EXOC2: variants seen among roughly 807,000 people sequenced by gnomAD.
The protein encoded by EXOC2 is exocyst complex component 2, also known as SEC5-like 1.
EXOC2 carries 70 observed loss-of-function variants against 131.8 expected under a neutral mutation model. The ratio of observed to expected loss-of-function variants is 0.53; its 90% confidence interval spans 0.44 to 0.65. EXOC2 has a LOEUF of 0.65. EXOC2 is among the 30% of genes least tolerant of loss of function. The probability of loss-of-function intolerance (pLI) is 0.00; values close to 1 mark genes in which losing one functional copy is unlikely to be tolerated. For synonymous variants in EXOC2, 411 were observed against 398.4 expected (o/e 1.03, Z -0.38); for missense variants, 923 against 1,108.6 (o/e 0.83, Z 2.38).
At chr6:542,832 A>C (rs938698344) in intron 22 of EXOC2, among the ~76,000 whole-genome samples, 2 of 152,196 alleles carry the variant, frequency 1.3e-5, no homozygotes, top group Admixed American at 1.3e-4. Context: ...AAGGTGTTGG[A>C]GTAGGGGGAC....
At chr6:612,737 T>G (rs1383939645) in intron 6 of EXOC2, among the ~76,000 whole-genome samples, 1 of 151,866 alleles carries the variant, frequency 6.6e-6, no homozygotes, top group Non-Finnish European at 1.5e-5. Flanking sequence ...GCAGCAGCAA[T>G]AAAAGGAACA....
At chr6:662,622 A>G (rs1242782087) in intron 1 of EXOC2, among the ~76,000 whole-genome samples, 1 of 152,196 alleles carries the variant, frequency 6.6e-6, no homozygotes, top group Non-Finnish European at 1.5e-5. Flanking sequence ...ATAATGACAC[A>G]ACCTATCAAA....
rs80295013 is a variant in EXOC2, at chr6:537,894, T to C, written c.2239-5284A>G. Reference sequence around the variant, plus strand: ...GACAGGCAAAATGATTCTCTGCAGATAGCAGCTGGAACGTTGCTGAGAAGG... The same window carrying C: ...GACAGGCAAAATGATTCTCTGCAGACAGCAGCTGGAACGTTGCTGAGAAGG... On this transcript the variant is annotated intron_variant, in intron 22 of 27. Transcript: ENST00000230449. Among the ~76,000 whole-genome samples the C allele has an allele frequency of 3.9e-4, 60 of 152,308 alleles. 1 individual carries two copies. The East Asian group carries it at 9.4e-3, about 24-fold the overall frequency.
chr6:606,893 G>A (rs895925845), intron 7 of EXOC2, among the ~76,000 whole-genome samples: 6 of 152,102 alleles, frequency 3.9e-5, no homozygotes, highest in Admixed American at 1.3e-4. Context: ...CATCTTTATC[G>A]ACCAATCCCT....
At chr6:571,847 A>G (rs1189371367) in intron 13 of EXOC2, among the ~76,000 whole-genome samples, 1 of 152,234 alleles carries the variant, frequency 6.6e-6, no homozygotes, top group South Asian at 2.1e-4. Context: ...ATCTATGTCC[A>G]GGAGCCGGAG....
At chr6:688,279 TGATGGC>T (rs1764758492) in intron 1 of EXOC2, among the ~76,000 whole-genome samples, 1 of 152,168 alleles carries the variant, frequency 6.6e-6, no homozygotes, top group Admixed American at 6.5e-5. Context: ...GAAGATTCCT[TGATGGC>T]CCAGCTGAGC....
intron 12 of EXOC2, 125 bp from the exon 13 acceptor site, chr6:572,769 T>C: frequency 8.1e-7 from 1 of 1,227,822 alleles, no homozygotes; most frequent in Non-Finnish European, 1.1e-6. Context: ...AGCCTGAGTC[T>C]GCGTGGACGC....
intron 23 of EXOC2, among the ~76,000 whole-genome samples, chr6:516,569 C>G (rs892301055): frequency 6.6e-6 from 1 of 152,216 alleles, no homozygotes; most frequent in South Asian, 2.1e-4. Context: ...CCCACGAAGT[C>G]TTCTGACTAA....
intron 22 of EXOC2, among the ~76,000 whole-genome samples, chr6:535,856 C>T (rs914438834): frequency 3.3e-5 from 5 of 152,280 alleles, no homozygotes; most frequent in Non-Finnish European, 5.9e-5. Context: ...AAAAATCACA[C>T]GCCAATAGCC....
chr6:489,806 A>T (rs192705497), intron 26 of EXOC2, among the ~76,000 whole-genome samples: 4 of 152,358 alleles, frequency 2.6e-5, no homozygotes, highest in African/African-American at 7.2e-5. Context: ...TTGTAAAAAC[A>T]TCCTCAATCT....
At chr6:660,363 C>G (rs911313523) in intron 1 of EXOC2, among the ~76,000 whole-genome samples, 1 of 152,186 alleles carries the variant, frequency 6.6e-6, no homozygotes, top group Non-Finnish European at 1.5e-5. Flanking sequence ...ATTAAACCAC[C>G]AAAGCTAAGG....
chr6:527,709 C>T (rs1765826624), intron 23 of EXOC2, among the ~76,000 whole-genome samples: 1 of 152,176 alleles, frequency 6.6e-6, no homozygotes, highest in African/African-American at 2.4e-5. Flanking sequence ...ATAAAGTTTT[C>T]CCTTTCCCAT....
At chr6:611,040 C>T (rs1342036406) in intron 6 of EXOC2, among the ~76,000 whole-genome samples, 1 of 152,120 alleles carries the variant, frequency 6.6e-6, no homozygotes, top group Non-Finnish European at 1.5e-5. Flanking sequence ...TTTCTACATA[C>T]CAAAGCTGAA....
chr6:513,707 T>C (rs1031984087), intron 23 of EXOC2, among the ~76,000 whole-genome samples: 3 of 152,226 alleles, frequency 2.0e-5, no homozygotes, highest in African/African-American at 7.2e-5. Context: ...ATATATTACA[T>C]TTATGAATTT....
intron 23 of EXOC2, among the ~76,000 whole-genome samples, chr6:530,925 G>A (rs1474282159): frequency 6.6e-6 from 1 of 152,208 alleles, no homozygotes; most frequent in Non-Finnish European, 1.5e-5. Flanking sequence ...CAAAGCACGG[G>A]CATTGTATTA....
chr6:604,880 C>T (rs1554136362), intron 7 of EXOC2, among the ~76,000 whole-genome samples: 1 of 151,540 alleles, frequency 6.6e-6, no homozygotes, highest in Non-Finnish European at 1.5e-5. Context: ...TCTCTTAAGG[C>T]TCCTGTGTCC....
At chr6:660,804 C>A (rs757940431) in intron 1 of EXOC2, among the ~76,000 whole-genome samples, 1 of 152,014 alleles carries the variant, frequency 6.6e-6, no homozygotes, top group Non-Finnish European at 1.5e-5. Flanking sequence ...ATGAAGGAAT[C>A]CCTGATTTAC....
chr6:636,048 C>A (rs1157617713), intron 2 of EXOC2, among the ~76,000 whole-genome samples: 1 of 152,210 alleles, frequency 6.6e-6, no homozygotes, highest in African/African-American at 2.4e-5. Context: ...GGCAACAGAG[C>A]GAGACTCCGT....
At chr6:615,176 G>GGTGTGT (rs751062692) in intron 6 of EXOC2, among the ~76,000 whole-genome samples, 1 of 103,784 alleles carries the variant, frequency 9.6e-6, no homozygotes, top group Admixed American at 9.6e-5. Flanking sequence ...AGTATATGTG[G>GGTGTGT]GTGTGGGTGT....
Sources: allele counts gnomAD v4.1 joint callset (sites outside exome capture counted in the v4.1 genomes callset), GRCh38; gene constraint gnomAD v4.1.1; transcripts MANE v1.5; gene names NCBI Gene and HGNC (gene_info 2026-07-23, HGNC 2026-07-21).